The following NCOA6 variants were observed in gnomAD, a reference collection of about 807,000 sequenced individuals.
NCOA6 encodes NRC RAP250.
Under a neutral mutation model 171.4 loss-of-function variants are expected in NCOA6, and 49 were observed. The ratio of observed to expected loss-of-function variants is 0.29; its 90% confidence interval spans 0.23 to 0.36. The LOEUF is 0.36. Ranked by LOEUF, NCOA6 falls within the 10% of genes least tolerant of loss-of-function variation. NCOA6 has a pLI of 1.00. For missense variants in NCOA6, 2,248 were observed against 2,554.5 expected (o/e 0.88, Z 2.59); for synonymous variants, 910 against 927.5 (o/e 0.98, Z 0.34).
intron 3 of NCOA6, among the ~76,000 whole-genome samples, chr20:34,780,695 C>A (rs540805723): frequency 6.6e-6 from 1 of 151,738 alleles, no homozygotes; most frequent in East Asian, 1.9e-4. Flanking sequence ...CTCTGTCACA[C>A]AGGCTGGAGT....
chr20:34,743,830 T>C (rs1204541009), intron 10 of NCOA6, among the ~76,000 whole-genome samples: 1 of 152,228 alleles, frequency 6.6e-6, no homozygotes, highest in Non-Finnish European at 1.5e-5. Context: ...TGTGGTTTTG[T>C]TGAAAATAAC....
intron 14 of NCOA6, among the ~76,000 whole-genome samples, chr20:34,721,268 CAACCCGCAA>C (rs1989305383): frequency 4.5e-5 from 4 of 88,526 alleles, no homozygotes; most frequent in African/African-American, 1.8e-4. Flanking sequence ...AAAAAAAAAA[CAACCCGCAA>C]AACCCACAAA....
intron 1 of NCOA6, among the ~76,000 whole-genome samples, chr20:34,810,245 G>A (rs1214973600): frequency 1.3e-5 from 2 of 152,158 alleles, no homozygotes; most frequent in Admixed American, 6.5e-5. Context: ...AAATAGTCAA[G>A]GTTACATGAT....
intron 10 of NCOA6, among the ~76,000 whole-genome samples, chr20:34,746,109 G>C (rs2076293296): frequency 6.6e-6 from 1 of 152,076 alleles, no homozygotes; most frequent in South Asian, 2.1e-4. Context: ...TCCCTGCTTT[G>C]AGAAGCCCCA....
Position 34,748,185 on chromosome 20 carries a change from C to T in NCOA6, c.2792+1218G>A, listed in dbSNP as rs147182898. 1.4e-3 allele frequency among the ~76,000 whole-genome samples: 218 copies of T among 151,820 alleles called. 1 individual carries two copies. Among genetic ancestry groups the T allele is most frequent in the African/African-American group, 5.0e-3 (207 of 41,398 alleles). ...CCTTGCAATTTTACTCCCAGACTAC[C>T]GAGAGAATAAAATATTTATTAAATA... On this transcript the variant is annotated intron_variant, in intron 9 of 14. Coordinates refer to ENST00000359003, the MANE Select transcript of NCOA6 (RefSeq NM_014071.5).
chr20:34,818,216 C>CA (rs1478037995), intron 1 of NCOA6, among the ~76,000 whole-genome samples: 3 of 152,176 alleles, frequency 2.0e-5, no homozygotes, highest in Non-Finnish European at 4.4e-5. Context: ...ATTGGCCAGG[C>CA]ATATGGCTTG....
rs1297208621 is a variant in NCOA6 at position 34,750,149 on chromosome 20, C to T, written c.2046G>A (p.Gln682=). Residue 682 remains glutamine (Q), a synonymous_variant, in exon 9 of 15, where the codon CAG becomes CAA. Transcript: ENST00000359003. The part of the protein sequence containing the change: ...PSPQRMTPPK[Q]MLSQQGPQMM... Reference sequence around the variant, plus strand: ...TTTGTGGGCCCTGCTGGGAAAGCATCTGCTTGGGTGGGGTCATCCTTTGGG... The same window carrying T: ...TTTGTGGGCCCTGCTGGGAAAGCATTTGCTTGGGTGGGGTCATCCTTTGGG... The T allele has an allele frequency of 2.5e-6, 4 of 1,613,436 alleles. No individual in the cohort carries two copies. The highest frequency in any genetic ancestry group is 3.4e-6 in the Non-Finnish European group (4 of 1,179,758).
chr20:34,782,443 G>A (rs1161731377), intron 2 of NCOA6, 39 bp from the exon 3 acceptor site: 15 of 587,452 alleles, frequency 2.6e-5, no homozygotes, highest in Non-Finnish European at 3.5e-5. Context: ...ACAATGCATA[G>A]TTATGCATTC....
chr20:34,748,840 GTAGTTTTAATTTCCAAA>G (rs1247008402), intron 9 of NCOA6, among the ~76,000 whole-genome samples: 1 of 152,194 alleles, frequency 6.6e-6, no homozygotes, highest in Non-Finnish European at 1.5e-5. Flanking sequence ...AGAGACAGCA[GTAGTTTTAATTTCCAAA>G]ACACATTTGG....
chr20:34,720,870 T>A (rs1989228424), intron 14 of NCOA6, among the ~76,000 whole-genome samples: 1 of 152,218 alleles, frequency 6.6e-6, no homozygotes, highest in South Asian at 2.1e-4. Flanking sequence ...TTGGTTCACA[T>A]TTTTGGATAC....
At chr20:34,739,988 G>T (rs1404895471) in intron 11 of NCOA6, among the ~76,000 whole-genome samples, 2 of 152,060 alleles carry the variant, frequency 1.3e-5, no homozygotes, top group African/African-American at 4.8e-5. Flanking sequence ...TCAGCCTCCT[G>T]AGTAGCTGGG....
At chr20:34,787,401 C>CTG (rs1327290513) in intron 2 of NCOA6, among the ~76,000 whole-genome samples, 1 of 151,926 alleles carries the variant, frequency 6.6e-6, no homozygotes, top group East Asian at 1.9e-4. Flanking sequence ...TGATGCACAC[C>CTG]TGTAGTCCCA....
At chr20:34,748,423 G>A (rs1319672283) in intron 9 of NCOA6, among the ~76,000 whole-genome samples, 1 of 152,140 alleles carries the variant, frequency 6.6e-6, no homozygotes, top group Non-Finnish European at 1.5e-5. Context: ...AAGGTAGTTG[G>A]TTTAATTTTG....
At chr20:34,800,643 C>CA (rs780922639) in intron 1 of NCOA6, among the ~76,000 whole-genome samples, 3 of 151,944 alleles carry the variant, frequency 2.0e-5, no homozygotes, top group Non-Finnish European at 4.4e-5. Context: ...ATAAAGGGGT[C>CA]AATTCAGCAA....
At chr20:34,814,493 G>GA (rs1370949804) in intron 1 of NCOA6, among the ~76,000 whole-genome samples, 1 of 152,028 alleles carries the variant, frequency 6.6e-6, no homozygotes, top group South Asian at 2.1e-4. Context: ...ATTGCCAAAT[G>GA]AAAAAAGACT....
chr20:34,778,456 T>G (rs1458983086), intron 3 of NCOA6, among the ~76,000 whole-genome samples: 2 of 147,922 alleles, frequency 1.4e-5, no homozygotes, highest in Admixed American at 1.4e-4. Flanking sequence ...TGAGACGGAG[T>G]CTCAATCTGT....
chr20:34,740,859 A>G lies in NCOA6; in HGVS notation c.5397T>C (p.Asn1799=), dbSNP rs1390366811. 3 of 1,614,066 alleles carry G rather than the reference A, an allele frequency of 1.9e-6. No homozygotes were observed. Among genetic ancestry groups the G allele is most frequent in the Non-Finnish European group, 2.5e-6 (3 of 1,180,040 alleles). ...GCCGGTTGCCAGAGGACCCTGGACTATTGGTCAAAAGGGGAGAAACCATTG... is the reference window on the plus strand; with the variant it reads ...GCCGGTTGCCAGAGGACCCTGGACTGTTGGTCAAAAGGGGAGAAACCATTG... The part of the protein sequence containing the change: ...STTMVSPLLT[N]SPGSSGNRRS... Residue 1799 remains asparagine (N), a synonymous_variant, in exon 11 of 15, where the codon AAT becomes AAC. Transcript: ENST00000359003.
chr20:34,823,463 T>C (rs952336353), intron 1 of NCOA6, among the ~76,000 whole-genome samples: 1 of 152,222 alleles, frequency 6.6e-6, no homozygotes, highest in African/African-American at 2.4e-5. Flanking sequence ...GCCCGCATAA[T>C]ATTTTTGTTC....
At position 34,750,414 on chromosome 20, in the gene NCOA6, T is replaced by C; in HGVS notation, c.1781A>G (p.Gln594Arg). The C allele has an allele frequency of 6.2e-7, 1 of 1,614,156 alleles. No individual in the cohort carries two copies. Among genetic ancestry groups the C allele is most frequent in the Non-Finnish European group, 8.5e-7 (1 of 1,180,028 alleles). ...AGGAACCCCAGAAGTACCAGCCTGC[T>C]GATTGTTCATGTTGCCATGAATTCC... ...LMGIHGNMNN[Q>R]QAGTSGVPQV... Residue 594 changes from glutamine to arginine, a missense_variant, in exon 9 of 15, where the codon CAG (glutamine) becomes CGG (arginine). By Grantham distance (43) the Gln-to-Arg change is conservative (BLOSUM62 1). Around this residue, in one of 7 missense-constraint regions of NCOA6, gnomAD observed 987 missense variants for 1,104.7 expected, o/e 0.89. Coordinates refer to ENST00000359003, the MANE Select transcript of NCOA6 (RefSeq NM_014071.5).
Sources: allele counts gnomAD v4.1 joint callset (sites outside exome capture counted in the v4.1 genomes callset), GRCh38; gene constraint gnomAD v4.1.1; regional missense constraint gnomAD v4.1.1; transcripts MANE v1.5; gene names NCBI Gene and HGNC (gene_info 2026-07-23, HGNC 2026-07-21).